HS3ST4: variants seen among roughly 807,000 people sequenced by gnomAD.
HS3ST4 encodes the protein heparan sulfate glucosamine 3-O-sulfotransferase 4.
Under a neutral mutation model 29.2 loss-of-function variants are expected in HS3ST4, and 17 were observed. The ratio of observed to expected loss-of-function variants is 0.58; its 90% CI spans 0.40 to 0.87. HS3ST4 has a LOEUF of 0.87. Ranked by LOEUF, HS3ST4 falls within the 40% of genes least tolerant of loss-of-function variation. The pLI is 0.00. For missense variants in HS3ST4, 627 were observed against 634.5 expected (o/e 0.99, Z 0.13); for synonymous variants, 314 against 285.7 (o/e 1.10, Z -1.00).
intron 1 of HS3ST4, chr16:25,933,255 C>T (rs1356879186): frequency 2.3e-6 from 1 of 440,514 alleles, no homozygotes; most frequent in African/African-American, 2.0e-5. Flanking sequence ...GGCTCTTCAC[C>T]ACAGCCATTA....
At chr16:25,944,783 G>T (rs1442690874) in intron 1 of HS3ST4, among the ~76,000 whole-genome samples, 1 of 152,030 alleles carries the variant, frequency 6.6e-6, no homozygotes, top group Non-Finnish European at 1.5e-5. Flanking sequence ...GGTAGCACAG[G>T]GCTAGGAATG....
chr16:26,046,841 T>C (rs1392883070), intron 1 of HS3ST4, among the ~76,000 whole-genome samples: 1 of 152,196 alleles, frequency 6.6e-6, no homozygotes, highest in Non-Finnish European at 1.5e-5. Flanking sequence ...AGATTGGTAC[T>C]GTTAGTATTC....
At chr16:25,728,162 C>G (rs931052732) in intron 1 of HS3ST4, among the ~76,000 whole-genome samples, 7 of 152,228 alleles carry the variant, frequency 4.6e-5, no homozygotes, top group African/African-American at 1.7e-4. Flanking sequence ...CCATCACACC[C>G]AGCCAATTTT....
At chr16:25,787,451 A>G (rs1966859313) in intron 1 of HS3ST4, among the ~76,000 whole-genome samples, 3 of 152,228 alleles carry the variant, frequency 2.0e-5, no homozygotes, top group Admixed American at 2.0e-4. Flanking sequence ...TTTCTTGTAT[A>G]CACTCTTGCC....
At position 26,010,461 on chromosome 16, in the gene HS3ST4, G is replaced by GA. The variant is rs1378541862; in HGVS notation, c.735-125143dup. On this transcript the variant is annotated intron_variant, in intron 1 of 1. Transcript: ENST00000331351. The stretch of plus-strand genomic sequence containing the variant: ...AGAGTGAGACTCCATCTCAAAAAAA[G>GA]AAAAAAAAGGAAAAAGAAAAAAAAA... Among the ~76,000 whole-genome samples, 17 of 142,670 alleles carry GA rather than the reference G, an allele frequency of 1.2e-4. No homozygotes were observed. The East Asian group carries it at 3.0e-3, about 26-fold the overall frequency. 93.6% of individuals were successfully genotyped at this position (142,670 alleles called of 152,430 possible).
intron 1 of HS3ST4, among the ~76,000 whole-genome samples, chr16:26,098,740 A>G (rs1898957917): frequency 6.6e-6 from 1 of 152,160 alleles, no homozygotes; most frequent in Admixed American, 6.5e-5. Flanking sequence ...TAATAAAAAA[A>G]AAAGACAGAC....
At chr16:25,946,721 G>A (rs1259446642) in intron 1 of HS3ST4, among the ~76,000 whole-genome samples, 1 of 152,152 alleles carries the variant, frequency 6.6e-6, no homozygotes, top group East Asian at 1.9e-4. Context: ...ATGGTGCTAA[G>A]AGCATAGGGA....
intron 1 of HS3ST4, among the ~76,000 whole-genome samples, chr16:25,706,120 C>G (rs574840042): frequency 6.6e-6 from 1 of 152,314 alleles, no homozygotes; most frequent in East Asian, 1.9e-4. Flanking sequence ...TGGACAATCT[C>G]AGACTGTGTA....
chr16:25,762,614 T>A (rs1966794994), intron 1 of HS3ST4, among the ~76,000 whole-genome samples: 1 of 151,986 alleles, frequency 6.6e-6, no homozygotes, highest in Non-Finnish European at 1.5e-5. Context: ...ACACCTGCAG[T>A]CCCAGCACTT....
At chr16:26,094,611 G>C (rs542468967) in intron 1 of HS3ST4, among the ~76,000 whole-genome samples, 8 of 152,170 alleles carry the variant, frequency 5.3e-5, no homozygotes, top group Admixed American at 1.3e-4. Flanking sequence ...GCTCCTGAAG[G>C]AAGCACTGAA....
intron 1 of HS3ST4, among the ~76,000 whole-genome samples, chr16:25,957,161 G>T (rs1346226085): frequency 1.3e-5 from 2 of 152,068 alleles, no homozygotes; most frequent in Non-Finnish European, 2.9e-5. Context: ...TTGCGGTCAG[G>T]GCTGGCCACA....
chr16:25,722,964 C>A (rs1966507664), intron 1 of HS3ST4, among the ~76,000 whole-genome samples: 1 of 152,152 alleles, frequency 6.6e-6, no homozygotes, highest in Admixed American at 6.5e-5. Context: ...GCCTCACAAT[C>A]ATGGTGGAAG....
In HS3ST4 at chr16:26,073,686, TC is replaced by T. The variant is rs1160702775; in HGVS notation, c.735-61925del. Reference sequence around the variant, plus strand: ...CCGGTCCTGGTCAGAACTTTTAATATCTAAATACCTTTAAAGCATCACACGC... The same window carrying T: ...CCGGTCCTGGTCAGAACTTTTAATATTAAATACCTTTAAAGCATCACACGC... On this transcript the variant is annotated intron_variant, in intron 1 of 1. Coordinates refer to ENST00000331351, the MANE Select transcript of HS3ST4 (RefSeq NM_006040.3). 7.9e-5 allele frequency among the ~76,000 whole-genome samples: 12 copies of T among 152,326 alleles called. No individual in the cohort carries two copies. In the South Asian group the frequency reaches 2.3e-3, roughly 29 times the overall value.
chr16:25,941,579 T>C (rs1968572549), intron 1 of HS3ST4, among the ~76,000 whole-genome samples: 1 of 152,186 alleles, frequency 6.6e-6, no homozygotes. Context: ...TTTGTTTTTG[T>C]TTTTCTTTCT....
intron 1 of HS3ST4, among the ~76,000 whole-genome samples, chr16:25,944,453 G>C (rs919331276): frequency 2.6e-5 from 4 of 152,204 alleles, no homozygotes; most frequent in African/African-American, 9.6e-5. Flanking sequence ...ACCCATGAAT[G>C]CCTAAGCAAA....
In HS3ST4 at chr16:25,692,837, C is replaced by T. The variant is rs1335676485; in HGVS notation, c.420C>T (p.Leu140=). 1.4e-6 allele frequency: 2 copies of T among 1,414,258 alleles called. No homozygotes were observed. Among genetic ancestry groups the T allele is most frequent in the Non-Finnish European group, 1.8e-6 (2 of 1,089,210 alleles). 87.6% of individuals were successfully genotyped at this position (1,414,258 alleles called of 1,614,324 possible). A position where few individuals can be genotyped will look rare whatever the true frequency, so the allele number is the denominator to read the frequency against. ...GCGGAGGCGCCCAGGACGCCTGGCT[C>T]CGGACCCCGCTGGCCCCCAGCGAGA... The part of the protein sequence containing the change: ...SGGGGAQDAW[L]RTPLAPSEMI... The change falls in exon 1 of 2, where the codon CTC becomes CTT. Residue 140 remains leucine, a synonymous_variant. Coordinates refer to ENST00000331351, the MANE Select transcript of HS3ST4 (RefSeq NM_006040.3).
At chr16:26,099,579 A>G (rs1454257125) in intron 1 of HS3ST4, among the ~76,000 whole-genome samples, 2 of 152,210 alleles carry the variant, frequency 1.3e-5, no homozygotes, top group African/African-American at 4.8e-5. Flanking sequence ...AAACGAAAGG[A>G]ACTCCATCAG....
chr16:25,838,870 A>G (rs976457786), intron 1 of HS3ST4, among the ~76,000 whole-genome samples: 1 of 152,138 alleles, frequency 6.6e-6, no homozygotes, highest in Non-Finnish European at 1.5e-5. Context: ...AGGTGCCACC[A>G]GAGAATTCTC....
chr16:25,763,757 T>C (rs537149118), intron 1 of HS3ST4, among the ~76,000 whole-genome samples: 1 of 152,296 alleles, frequency 6.6e-6, no homozygotes, highest in African/African-American at 2.4e-5. Context: ...AATGAAGGCT[T>C]CAGATGCCAC....
Sources: allele counts gnomAD v4.1 joint callset (sites outside exome capture counted in the v4.1 genomes callset), GRCh38; gene constraint gnomAD v4.1.1; transcripts MANE v1.5; gene names NCBI Gene and HGNC (gene_info 2026-07-23, HGNC 2026-07-21).